UBE2L3: variants seen among roughly 807,000 people sequenced by gnomAD.
The protein encoded by UBE2L3 is ubiquitin-conjugating enzyme E2 L3.
UBE2L3 carries 1 observed loss-of-function variant against 17.8 expected under a neutral mutation model. The ratio of observed to expected loss-of-function variants is 0.06; its 90% confidence interval spans 0.02 to 0.27. The LOEUF (loss-of-function observed/expected upper bound fraction) is 0.27. Among genes scored for constraint, UBE2L3 ranks in the 10% least tolerant of loss-of-function variants. The pLI, the probability that UBE2L3 is intolerant of heterozygous loss-of-function variation, is 1.00. For synonymous variants in UBE2L3, 44 were observed against 68.5 expected (o/e 0.64, Z 1.76); for missense variants, 40 against 192.6 (o/e 0.21, Z 4.69).
At chr22:21,606,597 A>G (rs1045208773) in intron 2 of UBE2L3, among the ~76,000 whole-genome samples, 15 of 152,170 alleles carry the variant, frequency 9.9e-5, no homozygotes, top group African/African-American at 3.1e-4. Flanking sequence ...CATCACTCCT[A>G]TAATCCCAGC....
At chr22:21,568,164 G>T (rs1926745420) in intron 1 of UBE2L3, 3 of 1,009,062 alleles carry the variant, frequency 3.0e-6, no homozygotes, top group Non-Finnish European at 3.5e-6. Context: ...CCTGCCCGGA[G>T]CCCGCGCCGC....
intron 1 of UBE2L3, among the ~76,000 whole-genome samples, chr22:21,559,978 G>A (rs1926373483): frequency 6.6e-6 from 1 of 152,298 alleles, no homozygotes; most frequent in East Asian, 1.9e-4. Context: ...TGGGCCAGGA[G>A]GGTAGTATGG....
At chr22:21,583,909 T>C (rs774725281) in intron 1 of UBE2L3, among the ~76,000 whole-genome samples, 1 of 152,158 alleles carries the variant, frequency 6.6e-6, no homozygotes, top group African/African-American at 2.4e-5. Flanking sequence ...GGAGTTTCAC[T>C]CGTTGCCCAG....
chr22:21,570,687 T>A (rs1035811912), intron 1 of UBE2L3, among the ~76,000 whole-genome samples: 1 of 152,164 alleles, frequency 6.6e-6, no homozygotes, highest in Non-Finnish European at 1.5e-5. Context: ...GCTGTGAGAA[T>A]CAATGTTTAA....
chr22:21,577,190 G>A (rs1310942697), intron 1 of UBE2L3, among the ~76,000 whole-genome samples: 2 of 151,148 alleles, frequency 1.3e-5, no homozygotes, highest in African/African-American at 4.9e-5. Flanking sequence ...GGATGGTCTC[G>A]ATCTCCTGAC....
intron 2 of UBE2L3, among the ~76,000 whole-genome samples, chr22:21,597,186 G>A (rs1387635649): frequency 6.6e-6 from 1 of 152,026 alleles, no homozygotes; most frequent in East Asian, 1.9e-4. Flanking sequence ...TACCATGTTG[G>A]CCAGGCTGGT....
At chr22:21,606,312 G>GGTGT (rs1453113149) in intron 2 of UBE2L3, among the ~76,000 whole-genome samples, 3 of 151,300 alleles carry the variant, frequency 2.0e-5, no homozygotes, top group East Asian at 2.0e-4. Flanking sequence ...GCGTGTGTGT[G>GGTGT]GTATGTGTGT....
intron 3 of UBE2L3, among the ~76,000 whole-genome samples, chr22:21,615,273 G>T (rs771827292): frequency 4.6e-5 from 7 of 152,054 alleles, no homozygotes; most frequent in Non-Finnish European, 8.8e-5. Context: ...TATGCTAAAT[G>T]GGCCGGGCGC....
chr22:21,621,057 G>C (rs1930019564), intron 3 of UBE2L3, among the ~76,000 whole-genome samples: 1 of 152,164 alleles, frequency 6.6e-6, no homozygotes, highest in Admixed American at 6.5e-5. Context: ...TGGCTACTTG[G>C]GGGACTGAGG....
chr22:21,609,071 G>A (rs1341163176), intron 2 of UBE2L3, among the ~76,000 whole-genome samples: 2 of 151,428 alleles, frequency 1.3e-5, no homozygotes, highest in African/African-American at 4.9e-5. Flanking sequence ...ATTTTTTTTT[G>A]TATTTTTAGT....
intron 3 of UBE2L3, among the ~76,000 whole-genome samples, chr22:21,618,042 G>A (rs1450348138): frequency 2.0e-5 from 3 of 151,976 alleles, no homozygotes; most frequent in Admixed American, 6.6e-5. Flanking sequence ...TTAGCAAGGC[G>A]TGGTGGCGGA....
chr22:21,590,901 A>G (rs1462531959), intron 1 of UBE2L3, among the ~76,000 whole-genome samples: 1 of 152,144 alleles, frequency 6.6e-6, no homozygotes, highest in Non-Finnish European at 1.5e-5. Context: ...CACATGTTTG[A>G]GCACCACTGT....
chr22:21,566,668 C>T (rs1225316111), upstream of UBE2L3, among the ~76,000 whole-genome samples: 2 of 152,044 alleles, frequency 1.3e-5, no homozygotes, highest in African/African-American at 4.8e-5. Flanking sequence ...TAGAAACCAA[C>T]TCCTCCCCTT....
chr22:21,572,677 CTG>C (rs131667), intron 1 of UBE2L3, among the ~76,000 whole-genome samples: 1,862 of 152,272 alleles, frequency 0.012, 93 homozygotes, highest in South Asian at 0.12. Context: ...ACTGCACACA[CTG>C]TGCACATTAG....
intron 1 of UBE2L3, among the ~76,000 whole-genome samples, chr22:21,591,593 C>T (rs374481258): frequency 6.6e-6 from 1 of 152,202 alleles, no homozygotes; most frequent in Non-Finnish European, 1.5e-5. Context: ...TGTTTCCTTC[C>T]CTGCCTGTGT....
intron 1 of UBE2L3, among the ~76,000 whole-genome samples, chr22:21,561,005 G>A (rs906039431): frequency 6.6e-6 from 1 of 152,254 alleles, no homozygotes; most frequent in African/African-American, 2.4e-5. Context: ...GAGAAGGAAG[G>A]AAAAGAGAGA....
chr22:21,570,490 T>C (rs1467125572), intron 1 of UBE2L3, among the ~76,000 whole-genome samples: 5 of 152,188 alleles, frequency 3.3e-5, no homozygotes, highest in Non-Finnish European at 5.9e-5. Context: ...TAAGGTAGAA[T>C]TGTGGAACGT....
intron 2 of UBE2L3, among the ~76,000 whole-genome samples, chr22:21,608,999 A>G (rs1467893078): frequency 1.3e-5 from 2 of 151,564 alleles, no homozygotes; most frequent in African/African-American, 4.9e-5. Flanking sequence ...GGTTCACACC[A>G]TTCTCCTGCC....
intron 1 of UBE2L3, 138 bp downstream of exon 1, chr22:21,567,909 C>A: frequency 6.6e-7 from 1 of 1,509,860 alleles, no homozygotes; most frequent in South Asian, 1.3e-5. Context: ...CTGGGCCGCG[C>A]GCAGGCTCAA....
Sources: allele counts gnomAD v4.1 joint callset (sites outside exome capture counted in the v4.1 genomes callset), GRCh38; gene constraint gnomAD v4.1.1; transcripts MANE v1.5; gene names NCBI Gene and HGNC (gene_info 2026-07-23, HGNC 2026-07-21).